The following EXT1 variants were observed in gnomAD, a reference collection of about 807,000 sequenced individuals.
EXT1 encodes the protein exostosin glycosyltransferase 1.
In EXT1, 20 loss-of-function variants were observed where a neutral mutation model predicts 82.5. The observed-to-expected ratio is 0.24, with a 90% confidence interval of 0.17 to 0.35. The LOEUF is 0.35. EXT1 is among the 10% of genes least tolerant of loss of function. The probability of loss-of-function intolerance (pLI) is 1.00; values close to 1 mark genes in which losing one functional copy is unlikely to be tolerated. For synonymous variants in EXT1, 348 were observed against 350.8 expected (o/e 0.99, Z 0.09); for missense variants, 757 against 936.5 (o/e 0.81, Z 2.50).
intron 1 of EXT1, among the ~76,000 whole-genome samples, chr8:117,961,394 A>G (rs1295212644): frequency 6.6e-6 from 1 of 152,242 alleles, no homozygotes; most frequent in African/African-American, 2.4e-5. Context: ...TATGGGCCTT[A>G]GGATAAAAAA....
intron 1 of EXT1, among the ~76,000 whole-genome samples, chr8:117,946,318 C>CA (rs1475933273): frequency 1.3e-4 from 20 of 152,204 alleles, no homozygotes; most frequent in Admixed American, 1.2e-3. Context: ...GTGTCTAACT[C>CA]AGTTTTCCCC....
In EXT1 at chr8:118,016,871, G is replaced by A. The variant is rs562618332; in HGVS notation, c.962+93214C>T. ...AAATTCTGAGTCAGTGACTGGAACA[G>A]ACACAAGCAGCCTCTGGAGTTCTGG... On this transcript the variant is annotated intron_variant, in intron 1 of 10. Transcript: ENST00000378204. Among the ~76,000 whole-genome samples, 4 of 152,350 alleles carry A rather than the reference G, an allele frequency of 2.6e-5. No homozygotes were observed. The East Asian group carries it at 7.7e-4, about 29-fold the overall frequency.
At position 117,797,282 on chromosome 8, in the gene EXT1, C is replaced by G. The variant is rs1203295310; in HGVS notation, c.*2430G>C. ...CTAGCTCACATCCCAAAGAGATTTG[C>G]TCAGAGAATGACATAAAATGAAACT... On this transcript the variant is annotated 3_prime_UTR_variant, in exon 11 of 11. Coordinates refer to ENST00000378204, the MANE Select transcript of EXT1 (RefSeq NM_000127.3). 3 of 152,190 alleles carry G rather than the reference C, an allele frequency of 2.0e-5. No homozygotes were observed. 9.4% of individuals were successfully genotyped at this position (152,190 alleles called of 1,614,324 possible).
intron 1 of EXT1, among the ~76,000 whole-genome samples, chr8:117,918,032 G>C (rs1813787670): frequency 6.6e-6 from 1 of 152,136 alleles, no homozygotes; most frequent in South Asian, 2.1e-4. Flanking sequence ...GCCTTTTCCA[G>C]GGATAAGCCT....
rs1449351592 is a variant in EXT1, at chr8:118,018,167, G to A, written c.962+91918C>T. Among the ~76,000 whole-genome samples the A allele has an allele frequency of 2.6e-5, 4 of 152,174 alleles. No homozygotes were observed. In the East Asian group the frequency reaches 7.7e-4, roughly 29 times the overall value. Reference sequence around the variant, plus strand: ...CATAAGTTGAAGACCCAGCCTCCAAGTACCTCCAAATATGTCCTTATTTGG... The same window carrying A: ...CATAAGTTGAAGACCCAGCCTCCAAATACCTCCAAATATGTCCTTATTTGG... On this transcript the variant is annotated intron_variant, in intron 1 of 10. Transcript: ENST00000378204.
At chr8:118,082,217 T>C (rs1369710806) in intron 1 of EXT1, among the ~76,000 whole-genome samples, 1 of 152,164 alleles carries the variant, frequency 6.6e-6, no homozygotes, top group Non-Finnish European at 1.5e-5. Context: ...AATAACAAAA[T>C]GCATTAAAAA....
At chr8:118,107,182 T>G (rs1395199855) in intron 1 of EXT1, among the ~76,000 whole-genome samples, 1 of 152,318 alleles carries the variant, frequency 6.6e-6, no homozygotes, top group East Asian at 1.9e-4. Flanking sequence ...TACTCTAACT[T>G]GACCATAATA....
At chr8:117,973,984 A>AGGAAGGAAGGAAGGAAGGAG (rs1563617771) in intron 1 of EXT1, among the ~76,000 whole-genome samples, 1 of 151,362 alleles carries the variant, frequency 6.6e-6, no homozygotes, top group Non-Finnish European at 1.5e-5. Flanking sequence ...GAAGGAAGGA[A>AGGAAGGAAGGAAGGAAGGAG]GGAAATAAAT....
At chr8:117,953,731 C>A (rs1814535336) in intron 1 of EXT1, among the ~76,000 whole-genome samples, 1 of 151,838 alleles carries the variant, frequency 6.6e-6, no homozygotes. Flanking sequence ...TATTATGATG[C>A]CTTCAATATT....
chr8:118,011,602 A>G (rs938871625), intron 1 of EXT1, among the ~76,000 whole-genome samples: 3 of 152,178 alleles, frequency 2.0e-5, no homozygotes, highest in Non-Finnish European at 2.9e-5. Flanking sequence ...AGGAAAACTG[A>G]GGTTCACAGA....
At chr8:117,908,871 C>A (rs1813589973) in intron 1 of EXT1, among the ~76,000 whole-genome samples, 2 of 151,932 alleles carry the variant, frequency 1.3e-5, no homozygotes, top group Non-Finnish European at 2.9e-5. Context: ...CGCCTATAAT[C>A]CGACCGTTTT....
At chr8:117,836,349 C>T (rs1006257649) in intron 2 of EXT1, among the ~76,000 whole-genome samples, 1 of 152,056 alleles carries the variant, frequency 6.6e-6, no homozygotes. Context: ...TGTTGGAGGG[C>T]ATGACAGAAT....
chr8:117,954,347 G>T (rs568627465), intron 1 of EXT1, among the ~76,000 whole-genome samples: 32 of 152,310 alleles, frequency 2.1e-4, no homozygotes, highest in African/African-American at 7.0e-4. Flanking sequence ...GAGGAGACTA[G>T]AAGTTGTCAT....
chr8:117,971,693 C>CA (rs1200351743), intron 1 of EXT1, among the ~76,000 whole-genome samples: 1 of 152,116 alleles, frequency 6.6e-6, no homozygotes, highest in African/African-American at 2.4e-5. Context: ...TGCTCTCCAC[C>CA]AAAAAACCCA....
intron 1 of EXT1, among the ~76,000 whole-genome samples, chr8:117,873,425 T>A (rs1812908511): frequency 6.6e-6 from 1 of 150,742 alleles, no homozygotes; most frequent in African/African-American, 2.4e-5. Flanking sequence ...CAAGTATGGT[T>A]AAGACCAATG....
rs1451032732 is a variant in EXT1 at position 118,110,341 on chromosome 8, G to C, written c.706C>G (p.Leu236Val). The C allele has an allele frequency of 1.2e-6, 2 of 1,614,208 alleles. No individual in the cohort carries two copies. Among genetic ancestry groups the C allele is most frequent in the Non-Finnish European group, 8.5e-7 (1 of 1,180,038 alleles). The change falls in exon 1 of 11, where the codon CTC becomes GTC. Residue 236 changes from leucine to valine, a missense_variant. Coordinates refer to ENST00000378204, the MANE Select transcript of EXT1 (RefSeq NM_000127.3). ...FRPNFDVSIP[L>V]FSKDHPRTGG... The stretch of plus-strand genomic sequence containing the variant: ...GTCCTGGGATGATCCTTAGAAAAGA[G>C]GGGAATAGAAACATCAAAGTTGGGT...
At chr8:117,841,337 A>G (rs750964960) in intron 1 of EXT1, among the ~76,000 whole-genome samples, 1 of 152,176 alleles carries the variant, frequency 6.6e-6, no homozygotes, top group Non-Finnish European at 1.5e-5. Context: ...TCCTTTCTAT[A>G]TGACATTCAT....
At chr8:117,901,889 G>A (rs1034710626) in intron 1 of EXT1, among the ~76,000 whole-genome samples, 1 of 152,058 alleles carries the variant, frequency 6.6e-6, no homozygotes, top group African/African-American at 2.4e-5. Flanking sequence ...ATACAGATTA[G>A]GTTTCGCCAT....
At chr8:118,068,009 T>C (rs1209265339) in intron 1 of EXT1, among the ~76,000 whole-genome samples, 1 of 152,242 alleles carries the variant, frequency 6.6e-6, no homozygotes, top group African/African-American at 2.4e-5. Flanking sequence ...TACAACTTTC[T>C]GATTACCTGA....
Sources: gnomAD v4.1 joint callset for allele counts (sites outside exome capture counted in the v4.1 genomes callset) on GRCh38, gnomAD v4.1.1 for gene constraint, MANE v1.5 for transcripts, NCBI Gene and HGNC (gene_info 2026-07-23, HGNC 2026-07-21) for gene names.